MVB12B: variants seen among roughly 807,000 people sequenced by gnomAD.
MVB12B encodes ESCRT-I complex subunit MVB12B.
MVB12B carries 16 observed loss-of-function variants against 41.6 expected under a neutral mutation model. The observed-to-expected ratio is 0.38, with a 90% CI of 0.26 to 0.58. The LOEUF (loss-of-function observed/expected upper bound fraction) is 0.58, where lower values mean the gene tolerates loss of function less well. MVB12B is among the 20% of genes least tolerant of loss of function. The probability of loss-of-function intolerance (pLI) is 0.62; values close to 1 mark genes in which losing one functional copy is unlikely to be tolerated. For synonymous variants in MVB12B, 133 were observed against 139.7 expected (o/e 0.95, Z 0.34); for missense variants, 274 against 380.2 (o/e 0.72, Z 2.32).
In MVB12B at chr9:126,335,133, T is replaced by C. The variant is rs1829239302; in HGVS notation, c.82-5375T>C. The C allele has an allele frequency of 9.2e-6, 7 of 758,480 alleles. No homozygotes were observed. In the South Asian group the frequency reaches 1.9e-4, roughly 20 times the overall value. 47.0% of individuals were successfully genotyped at this position (758,480 alleles called of 1,614,324 possible). A position where few individuals can be genotyped will look rare whatever the true frequency, so the allele number is the denominator to read the frequency against. On this transcript the variant is annotated intron_variant, in intron 1 of 9. Transcript: ENST00000361171. ...GATCTAGGAGAGCTTAGAAAAATATTTGCCTTAGTTGCCCAACAACTTAGC... is the reference window on the plus strand; with the variant it reads ...GATCTAGGAGAGCTTAGAAAAATATCTGCCTTAGTTGCCCAACAACTTAGC...
rs1237203830 is a variant in MVB12B, at chr9:126,473,396, T to C, written c.758-7973T>C. 6.6e-6 allele frequency among the ~76,000 whole-genome samples: 1 copy of C among 152,236 alleles called. No homozygotes were observed. Among genetic ancestry groups the C allele is most frequent in the Non-Finnish European group, 1.5e-5 (1 of 68,054 alleles). ...CTAAGCCTTGCAAGTGGTGTATTAG[T>C]TCATTCTTGCGTTACTATAAAGAAA... On this transcript the variant is annotated intron_variant, in intron 7 of 9. Coordinates refer to ENST00000361171, the MANE Select transcript of MVB12B (RefSeq NM_033446.3). The surrounding 1 kb of genome is among the most constrained non-coding windows in gnomAD (Gnocchi z 4.0).
At chr9:126,454,772 C>T (rs1368649995) in intron 7 of MVB12B, among the ~76,000 whole-genome samples, 3 of 151,634 alleles carry the variant, frequency 2.0e-5, no homozygotes, top group Admixed American at 1.3e-4. Context: ...TGGTAGGGGT[C>T]GATGACCATA....
At position 126,340,837 on chromosome 9, in the gene MVB12B, A is replaced by G. The variant is rs970040639; in HGVS notation, c.204+207A>G. 4.6e-5 allele frequency among the ~76,000 whole-genome samples: 7 copies of G among 152,128 alleles called. No individual in the cohort carries two copies. The highest frequency in any genetic ancestry group is 1.7e-4 in the African/African-American group (7 of 41,420). The stretch of plus-strand genomic sequence containing the variant: ...TTTCCTGGCCTTGACCACCTCTGTG[A>G]TGGTCATTTTCACCTTCTGTAAAAT... On this transcript the variant is annotated intron_variant, in intron 2 of 9. Transcript: ENST00000361171. The surrounding 1 kb of genome is among the most constrained non-coding windows in gnomAD (Gnocchi z 4.0).
intron 7 of MVB12B, among the ~76,000 whole-genome samples, chr9:126,443,667 A>G (rs1832698723): frequency 6.6e-6 from 1 of 152,246 alleles, no homozygotes; most frequent in South Asian, 2.1e-4. Flanking sequence ...GTTTACACTT[A>G]AAAGTGTATG....
chr9:126,504,926 T>C lies in MVB12B; in HGVS notation c.*1663T>C. 6.6e-6 allele frequency: 1 copy of C among 152,378 alleles called. No homozygotes were observed. Among genetic ancestry groups the C allele is most frequent in the Non-Finnish European group, 1.5e-5 (1 of 68,096 alleles). The allele number at this position is 152,378 out of a possible 1,614,324, so 9.4% of individuals were successfully genotyped here. A position where few individuals can be genotyped will look rare whatever the true frequency, so the allele number is the denominator to read the frequency against. ...GCTGGCTGCCGATGCTCCGTTCACATAAGCCAGTGTGGTTCTGGGGACCTG... is the reference window on the plus strand; with the variant it reads ...GCTGGCTGCCGATGCTCCGTTCACACAAGCCAGTGTGGTTCTGGGGACCTG... On this transcript the variant is annotated 3_prime_UTR_variant, in exon 10 of 10. Coordinates refer to ENST00000361171, the MANE Select transcript of MVB12B (RefSeq NM_033446.3).
Position 126,395,252 on chromosome 9 carries a change from G to A in MVB12B, c.540-323G>A, listed in dbSNP as rs554592573. Among the ~76,000 whole-genome samples the A allele has an allele frequency of 2.6e-5, 4 of 152,286 alleles. No individual in the cohort carries two copies. Among genetic ancestry groups the A allele is most frequent in the South Asian group, 2.1e-4 (1 of 4,830 alleles). On this transcript the variant is annotated intron_variant, in intron 5 of 9. Coordinates refer to ENST00000361171, the MANE Select transcript of MVB12B (RefSeq NM_033446.3). The surrounding 1 kb of genome is among the most constrained non-coding windows in gnomAD (Gnocchi z 4.9). ...CAAAGGACTTGATGTGGATTATCAC[G>A]TCACACTCCACAAGGAAATGGCAAA...
At position 126,406,379 on chromosome 9, in the gene MVB12B, A is replaced by G. The variant is rs554007547; in HGVS notation, c.662+10682A>G. Among the ~76,000 whole-genome samples, 5 of 152,370 alleles carry G rather than the reference A, an allele frequency of 3.3e-5. No homozygotes were observed. The East Asian group carries it at 7.7e-4, about 23-fold the overall frequency. On this transcript the variant is annotated intron_variant, in intron 6 of 9. Coordinates refer to ENST00000361171, the MANE Select transcript of MVB12B (RefSeq NM_033446.3). ...CCACAGCTTTTGAGATGGATTGGGCAGGGAGGAGACAAGTGTTGCCTTTGG... is the reference window on the plus strand; with the variant it reads ...CCACAGCTTTTGAGATGGATTGGGCGGGGAGGAGACAAGTGTTGCCTTTGG...
At chr9:126,417,689 G>A (rs978566647) in intron 6 of MVB12B, among the ~76,000 whole-genome samples, 4 of 152,186 alleles carry the variant, frequency 2.6e-5, no homozygotes, top group African/African-American at 9.7e-5. Flanking sequence ...GTACAAAATT[G>A]ATGATATTTG....
intron 6 of MVB12B, among the ~76,000 whole-genome samples, chr9:126,405,410 C>CAG (rs1831390902): frequency 6.6e-6 from 1 of 152,042 alleles, no homozygotes; most frequent in Non-Finnish European, 1.5e-5. Flanking sequence ...TGTGTCAGAA[C>CAG]AGATTTATCA....
chr9:126,421,902 C>A lies in MVB12B; in HGVS notation c.711C>A (p.Thr237=). The part of the protein sequence containing the change: ...LPATFRGRNS[T]RTDYEYQHSN... ...CCACCTTCCGAGGCAGGAACAGCAC[C>A]CGGACGGACTACGAGTACCAGCACT... The change falls in exon 7 of 10, where the codon ACC becomes ACA. Residue 237 remains threonine, a synonymous_variant. Coordinates refer to ENST00000361171, the MANE Select transcript of MVB12B (RefSeq NM_033446.3). 1 of 1,614,072 alleles carries A rather than the reference C, an allele frequency of 6.2e-7. No homozygotes were observed. Among genetic ancestry groups the A allele is most frequent in the South Asian group, 1.1e-5 (1 of 91,076 alleles).
intron 1 of MVB12B, among the ~76,000 whole-genome samples, chr9:126,330,089 C>G (rs1157402212): frequency 6.6e-6 from 1 of 152,140 alleles, no homozygotes; most frequent in African/African-American, 2.4e-5. Context: ...GACATTACCT[C>G]CCTTGTTGGG....
Position 126,333,425 on chromosome 9 carries a change from G to T in MVB12B, c.81+6415G>T, listed in dbSNP as rs1829184786. 6.6e-6 allele frequency among the ~76,000 whole-genome samples: 1 copy of T among 151,538 alleles called. No individual in the cohort carries two copies. The highest frequency in any genetic ancestry group is 6.6e-5 in the Admixed American group (1 of 15,208). ...TTTATTTACTTATTTATTTTTTTGAGATGAGGTCTGGCTCTGTCACCCAGC... is the reference window on the plus strand; with the variant it reads ...TTTATTTACTTATTTATTTTTTTGATATGAGGTCTGGCTCTGTCACCCAGC... On this transcript the variant is annotated intron_variant, in intron 1 of 9. Transcript: ENST00000361171. The surrounding 1 kb of genome is among the most constrained non-coding windows in gnomAD (Gnocchi z 4.7).
At position 126,478,237 on chromosome 9, in the gene MVB12B, A is replaced by T. The variant is rs867944088; in HGVS notation, c.758-3132A>T. On this transcript the variant is annotated intron_variant, in intron 7 of 9. Coordinates refer to ENST00000361171, the MANE Select transcript of MVB12B (RefSeq NM_033446.3). This position sits in a 1 kb window ranked among gnomAD's most constrained non-coding sequence, Gnocchi z 4.2. ...AGTGATTCCCAGGCTTCTTCCATCC[A>T]TGGCTTTCATCTCCAGCAGCAGCAG... Among the ~76,000 whole-genome samples the T allele has an allele frequency of 7.2e-5, 11 of 152,120 alleles. No homozygotes were observed. Among genetic ancestry groups the T allele is most frequent in the Admixed American group, 6.5e-4 (10 of 15,278 alleles).
chr9:126,460,006 A>T (rs1271136034), intron 7 of MVB12B, among the ~76,000 whole-genome samples: 1 of 152,178 alleles, frequency 6.6e-6, no homozygotes, highest in Non-Finnish European at 1.5e-5. Flanking sequence ...ACTTTTCCCC[A>T]GCCGTGGCCT....
chr9:126,476,178 A>C (rs554807174), intron 7 of MVB12B, among the ~76,000 whole-genome samples: 1 of 138,550 alleles, frequency 7.2e-6, no homozygotes, highest in South Asian at 2.4e-4. Context: ...GCTGTGCGGC[A>C]TCCCGCAATG....
intron 6 of MVB12B, among the ~76,000 whole-genome samples, chr9:126,398,935 T>TA (rs1831193516): frequency 6.6e-6 from 1 of 152,250 alleles, no homozygotes; most frequent in Non-Finnish European, 1.5e-5. Context: ...CAGACAAAGG[T>TA]GGATCTTTGC....
chr9:126,487,908 A>T (rs1383386094), intron 9 of MVB12B, among the ~76,000 whole-genome samples: 1 of 152,232 alleles, frequency 6.6e-6, no homozygotes, highest in Non-Finnish European at 1.5e-5. Flanking sequence ...GCTGCAGTGG[A>T]GAGCTCCACA....
At chr9:126,430,601 A>G (rs911636007) in intron 7 of MVB12B, among the ~76,000 whole-genome samples, 7 of 146,080 alleles carry the variant, frequency 4.8e-5, no homozygotes, top group African/African-American at 1.8e-4. Flanking sequence ...ATTGAGGAGG[A>G]TGTAGGTAAA....
chr9:126,437,207 A>G (rs1832503427), intron 7 of MVB12B, among the ~76,000 whole-genome samples: 1 of 152,218 alleles, frequency 6.6e-6, no homozygotes, highest in South Asian at 2.1e-4. Flanking sequence ...CGTAAACTCC[A>G]TAGTTTAATT....
Sources: gnomAD v4.1 joint callset for allele counts (sites outside exome capture counted in the v4.1 genomes callset) on GRCh38, gnomAD v4.1.1 for gene constraint, Gnocchi (gnomAD v3.1) non-coding constraint, MANE v1.5 for transcripts, NCBI Gene and HGNC (gene_info 2026-07-23, HGNC 2026-07-21) for gene names.